DLGAP2: variants seen among roughly 807,000 people sequenced by gnomAD.
DLGAP2 encodes the protein disks large-associated protein 2.
A neutral mutation model predicts 100.3 loss-of-function variants in DLGAP2; 26 were observed. That is an observed-to-expected ratio of 0.26 (90% confidence interval 0.19 to 0.36). The LOEUF is 0.36. Ranked by LOEUF, DLGAP2 falls within the 10% of genes least tolerant of loss-of-function variation. The pLI, the probability that DLGAP2 is intolerant of heterozygous loss-of-function variation, is 1.00. For missense variants in DLGAP2, 1,858 were observed against 1,453.2 expected, an observed-to-expected ratio of 1.28 and a Z score of -4.53; for synonymous variants, 886 against 630.1, an observed-to-expected ratio of 1.41 and a Z score of -6.08.
chr8:1,543,608 G>A (rs567067660), intron 4 of DLGAP2, among the ~76,000 whole-genome samples: 1 of 152,314 alleles, frequency 6.6e-6, no homozygotes, highest in South Asian at 2.1e-4. Context: ...ATCCATAAGT[G>A]TGAGTCTTCC....
At chr8:1,096,888 C>T (rs1432557029) in intron 2 of DLGAP2, among the ~76,000 whole-genome samples, 1 of 143,352 alleles carries the variant, frequency 7.0e-6, no homozygotes, top group Non-Finnish European at 1.5e-5. Context: ...GAGGTCTCCT[C>T]CAGCGTGAGA....
chr8:930,089 A>G (rs868562980), intron 2 of DLGAP2, among the ~76,000 whole-genome samples: 3 of 152,090 alleles, frequency 2.0e-5, no homozygotes, highest in African/African-American at 7.2e-5. Context: ...ATGTGTTTGC[A>G]TCGGGTTGAA....
chr8:826,110 C>A (rs1048068251), intron 1 of DLGAP2, among the ~76,000 whole-genome samples: 3 of 152,232 alleles, frequency 2.0e-5, no homozygotes, highest in South Asian at 2.1e-4. Flanking sequence ...TTTCACATAA[C>A]ACAATCAACT....
intron 3 of DLGAP2, chr8:1,368,563 A>G (rs1802164609): frequency 6.6e-6 from 1 of 152,226 alleles, no homozygotes; most frequent in Non-Finnish European, 1.5e-5. Flanking sequence ...TTTATTAAAC[A>G]TGGGCCTATT....
intron 3 of DLGAP2, among the ~76,000 whole-genome samples, chr8:1,368,349 G>A (rs995051617): frequency 2.0e-5 from 3 of 151,896 alleles, no homozygotes; most frequent in Admixed American, 2.0e-4. Flanking sequence ...GTGCATGCGT[G>A]TGTATATATG....
At chr8:1,085,317 C>G (rs1309193028) in intron 2 of DLGAP2, among the ~76,000 whole-genome samples, 1 of 152,078 alleles carries the variant, frequency 6.6e-6, no homozygotes, top group Non-Finnish European at 1.5e-5. Context: ...TAGGCTATTT[C>G]TTTACCTCAT....
intron 2 of DLGAP2, among the ~76,000 whole-genome samples, chr8:968,282 T>C (rs1799929986): frequency 6.6e-6 from 1 of 152,156 alleles, no homozygotes; most frequent in African/African-American, 2.4e-5. Context: ...AGCTGGTGCT[T>C]TGCTGATTCC....
At chr8:1,655,960 G>A (rs942283155) in intron 8 of DLGAP2, among the ~76,000 whole-genome samples, 2 of 152,206 alleles carry the variant, frequency 1.3e-5, no homozygotes, top group African/African-American at 4.8e-5. Flanking sequence ...ACCTGACCAT[G>A]ACCAGTGGAC....
chr8:928,530 G>C (rs1339622894), intron 2 of DLGAP2, among the ~76,000 whole-genome samples: 1 of 152,074 alleles, frequency 6.6e-6, no homozygotes, highest in African/African-American at 2.4e-5. Flanking sequence ...ATGCTGGCGG[G>C]GACTGGGTAC....
At chr8:1,149,518 A>C (rs1486241019) in intron 2 of DLGAP2, among the ~76,000 whole-genome samples, 1 of 152,092 alleles carries the variant, frequency 6.6e-6, no homozygotes, top group Admixed American at 6.6e-5. Context: ...AGTATATATC[A>C]GTTTTCTTTG....
chr8:1,505,468 T>C (rs778561481), intron 4 of DLGAP2, among the ~76,000 whole-genome samples: 3 of 152,178 alleles, frequency 2.0e-5, no homozygotes, highest in Non-Finnish European at 4.4e-5. Flanking sequence ...ATACCATTAG[T>C]GCCAGATGAA....
Position 798,079 on chromosome 8 carries a change from C to A in DLGAP2, c.18+60254C>A, listed in dbSNP as rs374505462. ...TTTTGTACTTTAACTGCTCCCGAGG[C>A]CCCTGTTGCATCTTCACCAGGCTGT... On this transcript the variant is annotated intron_variant, in intron 1 of 14. Coordinates refer to ENST00000637795, the MANE Select transcript of DLGAP2 (RefSeq NM_001346810.2). 3.9e-5 allele frequency among the ~76,000 whole-genome samples: 6 copies of A among 152,304 alleles called. No homozygotes were observed. The East Asian group carries it at 1.2e-3, about 30-fold the overall frequency.
At chr8:1,190,691 C>G (rs28572211) in intron 2 of DLGAP2, among the ~76,000 whole-genome samples, 26,922 of 152,076 alleles carry the variant, frequency 0.18, 2,590 homozygotes, top group Middle Eastern at 0.35. Context: ...CCGTGTCTTA[C>G]GTAGAGAAGA....
intron 12 of DLGAP2, chr8:1,680,451 C>G (rs1032305523): frequency 1.3e-5 from 2 of 152,218 alleles, no homozygotes; most frequent in African/African-American, 4.8e-5. Context: ...AACTTAAGGT[C>G]TGAACCTATG....
At chr8:868,817 G>C (rs2128991220) in intron 1 of DLGAP2, among the ~76,000 whole-genome samples, 1 of 152,334 alleles carries the variant, frequency 6.6e-6, no homozygotes, top group East Asian at 1.9e-4. Flanking sequence ...GGCCTAGAGA[G>C]CGCGGTCACT....
chr8:1,628,831 C>T (rs1309802859), intron 7 of DLGAP2, among the ~76,000 whole-genome samples: 2 of 152,254 alleles, frequency 1.3e-5, no homozygotes, highest in Non-Finnish European at 2.9e-5. Flanking sequence ...CTCTGACTTA[C>T]TGTGGAGTAG....
intron 3 of DLGAP2, among the ~76,000 whole-genome samples, chr8:1,346,910 G>A (rs1017895144): frequency 1.3e-5 from 2 of 151,634 alleles, no homozygotes; most frequent in South Asian, 2.1e-4. Context: ...CTGTGTGGAG[G>A]TTGAGTTCCC....
At chr8:867,134 A>G (rs955124927) in intron 1 of DLGAP2, among the ~76,000 whole-genome samples, 8 of 152,270 alleles carry the variant, frequency 5.3e-5, no homozygotes, top group African/African-American at 1.7e-4. Context: ...AAGTGACCAC[A>G]GACTTCTCAG....
chr8:1,292,431 G>A lies in DLGAP2; in HGVS notation c.106+33548G>A, dbSNP rs376529538. On this transcript the variant is annotated intron_variant, in intron 3 of 14. Transcript: ENST00000637795. ...CAGTTGGAGGATGGGACAGTGCGCT[G>A]TCTTTGGGCAGCTCAGAAGTGTGTG... Among the ~76,000 whole-genome samples the A allele has an allele frequency of 9.8e-5, 15 of 152,324 alleles. 1 individual carries two copies. The highest frequency in any genetic ancestry group is 8.5e-4 in the Admixed American group (13 of 15,304).
Sources: gnomAD v4.1 joint callset for allele counts (sites outside exome capture counted in the v4.1 genomes callset) on GRCh38, gnomAD v4.1.1 for gene constraint, MANE v1.5 for transcripts, NCBI Gene and HGNC (gene_info 2026-07-23, HGNC 2026-07-21) for gene names.